The following NAT10 variants were observed in gnomAD, a reference collection of about 807,000 sequenced individuals.
NAT10 encodes the protein N-acetyltransferase 10, also known as RNA cytidine acetyltransferase.
Under a neutral mutation model 132.2 loss-of-function variants are expected in NAT10, and 109 were observed. The observed-to-expected ratio is 0.82, with a 90% CI of 0.71 to 0.97. The LOEUF is 0.97. Ranked by LOEUF, NAT10 falls within the 50% of genes least tolerant of loss-of-function variation. The pLI, the probability that NAT10 is intolerant of heterozygous loss-of-function variation, is 0.00. For missense variants in NAT10, 1,184 were observed against 1,263.4 expected (o/e 0.94, Z 0.95); for synonymous variants, 479 against 478.0 (o/e 1.00, Z -0.03).
rs1590195987 is a variant in NAT10, at chr11:34,146,316, C to T, written c.*124C>T. ...CACACCTGGAAGCTGGCCGCGAATTCGGCCTCTGGGCCTGTGTGTCTGTGA... is the reference window on the plus strand; with the variant it reads ...CACACCTGGAAGCTGGCCGCGAATTTGGCCTCTGGGCCTGTGTGTCTGTGA... On this transcript the variant is annotated 3_prime_UTR_variant, in exon 29 of 29. Transcript: ENST00000257829. The T allele has an allele frequency of 1.9e-5, 13 of 681,178 alleles. No homozygotes were observed. The highest frequency in any genetic ancestry group is 5.7e-5 in the East Asian group (2 of 35,342). 42.2% of individuals were successfully genotyped at this position (681,178 alleles called of 1,614,324 possible).
intron 21 of NAT10, 32 bp from the exon 22 acceptor site, chr11:34,139,159 C>G: frequency 6.3e-7 from 1 of 1,590,246 alleles, no homozygotes; most frequent in African/African-American, 1.3e-5. Flanking sequence ...AAAGGGGGTT[C>G]TTGGTGCCAG....
In NAT10 at chr11:34,113,764, G is replaced by A. The variant is rs757687750; in HGVS notation, c.421G>A (p.Val141Met). The A allele has an allele frequency of 1.2e-6, 2 of 1,614,002 alleles. No homozygotes were observed. Among genetic ancestry groups the A allele is most frequent in the South Asian group, 2.2e-5 (2 of 91,080 alleles). The change falls in exon 5 of 29, where the codon GTG becomes ATG. Residue 141 changes from valine (V) to methionine (M), a missense_variant. Val to Met is a conservative substitution (Grantham distance 21). Coordinates refer to ENST00000257829, the MANE Select transcript of NAT10 (RefSeq NM_024662.3). ...PNLLARTVET[V>M]EGGGLVVILL... ...CTTGCTGGCCAGGACTGTAGAAACA[G>A]TGGAAGGTGGTGGGCTAGTGGTCAT...
intron 14 of NAT10, among the ~76,000 whole-genome samples, 162 bp from the exon 15 acceptor site, chr11:34,131,963 T>C (rs899189596): frequency 6.6e-6 from 1 of 152,128 alleles, no homozygotes; most frequent in Non-Finnish European, 1.5e-5. Context: ...GGATTACCGG[T>C]GTGAGCCAAC....
chr11:34,138,336 C>T (rs1197068200), intron 21 of NAT10, among the ~76,000 whole-genome samples: 1 of 152,168 alleles, frequency 6.6e-6, no homozygotes, highest in Admixed American at 6.5e-5. Context: ...GTGCTTCTGT[C>T]TTCCCAGATG....
chr11:34,146,060 T>A (rs749152078), intron 28 of NAT10, 24 bp from the exon 29 acceptor site: 1 of 1,494,960 alleles, frequency 6.7e-7, no homozygotes, highest in East Asian at 2.3e-5. Flanking sequence ...TATTTCATTC[T>A]TTCTATTTTT....
chr11:34,131,631 G>T, intron 14 of NAT10, 100 bp downstream of exon 14: 2 of 1,194,048 alleles, frequency 1.7e-6, no homozygotes, highest in African/African-American at 1.6e-5. Context: ...CTGCTCTAGA[G>T]AAAGGGGAAA....
chr11:34,130,393 A>G (rs763143770), intron 12 of NAT10, among the ~76,000 whole-genome samples: 2 of 152,228 alleles, frequency 1.3e-5, no homozygotes, highest in Non-Finnish European at 2.9e-5. Flanking sequence ...CAGCTCCGTT[A>G]GTTGACCATT....
rs371323063 is a variant in NAT10, at chr11:34,143,544, C to G, written c.2969+16C>G. 8 of 1,611,404 alleles carry G rather than the reference C, an allele frequency of 5.0e-6. No homozygotes were observed. The African/African-American group carries it at 6.7e-5, about 13-fold the overall frequency. On this transcript the variant is annotated intron_variant, in intron 28 of 28. Transcript: ENST00000257829. The stretch of plus-strand genomic sequence containing the variant: ...GCCTGAAAAGGTGAGGGCCCAGGGT[C>G]TGATGTGCATCTGGCGGAAGAGGCA...
chr11:34,115,877 A>G lies in NAT10; in HGVS notation c.550A>G (p.Asn184Asp). 6.2e-7 allele frequency: 1 copy of G among 1,614,098 alleles called. No homozygotes were observed. The highest frequency in any genetic ancestry group is 8.5e-7 in the Non-Finnish European group (1 of 1,179,976). The change falls in exon 6 of 29, where the codon AAT becomes GAT. Residue 184 changes from asparagine to aspartate, a missense_variant. Asn to Asp is a conservative substitution (Grantham distance 23). Transcript: ENST00000257829. ...EAHQDVVGRF[N>D]ERFILSLASC... ...CCATCAGGATGTGGTGGGAAGATTT[A>G]ATGAAAGGTAATTCTATAGTTCCCC...
chr11:34,141,254 C>A, intron 25 of NAT10, 46 bp downstream of exon 25: 1 of 1,609,666 alleles, frequency 6.2e-7, no homozygotes, highest in South Asian at 1.1e-5. Context: ...TCAAATAGTG[C>A]AACAAACCCA....
At chr11:34,123,032 T>C (rs73500434) in intron 9 of NAT10, among the ~76,000 whole-genome samples, 16,885 of 152,284 alleles carry the variant, frequency 0.11, 1,065 homozygotes, top group African/African-American at 0.18. Flanking sequence ...AGTTTCTGTT[T>C]TTTTCTACTG....
chr11:34,108,961 G>C lies in NAT10; in HGVS notation c.200+128G>C, dbSNP rs1030478211. The C allele has an allele frequency of 2.3e-5, 16 of 707,172 alleles. No homozygotes were observed. In the Admixed American group the frequency reaches 4.7e-4, roughly 21 times the overall value. 43.8% of individuals were successfully genotyped at this position (707,172 alleles called of 1,614,324 possible). On this transcript the variant is annotated intron_variant, in intron 3 of 28. Transcript: ENST00000257829. ...GAGGTGCTATCTCTGAGGACAAATG[G>C]AGCTGATATCCTTTCTTCATTCCTG...
rs563625119 is a variant in NAT10, at chr11:34,106,391, C to T, written c.-16+599C>T. 4.6e-5 allele frequency among the ~76,000 whole-genome samples: 7 copies of T among 152,090 alleles called. No homozygotes were observed. The South Asian group carries it at 1.3e-3, about 27-fold the overall frequency. On this transcript the variant is annotated intron_variant, in intron 1 of 28. Transcript: ENST00000257829. ...TCAGCCCATAGTAATCTCAGCCCTT[C>T]CTTCATCTGACCGGTCCCTCAGTAT...
chr11:34,132,381 C>G (rs1017715351), intron 15 of NAT10, among the ~76,000 whole-genome samples, 160 bp downstream of exon 15: 5 of 152,186 alleles, frequency 3.3e-5, no homozygotes, highest in Non-Finnish European at 7.3e-5. Flanking sequence ...AGGTATAGAG[C>G]ATGTAGCTCC....
At chr11:34,118,156 C>T (rs766906133) in intron 6 of NAT10, 24 bp from the exon 7 acceptor site, 4 of 1,575,280 alleles carry the variant, frequency 2.5e-6, no homozygotes, top group Non-Finnish European at 3.5e-6. Flanking sequence ...CCCAACACTT[C>T]ATTGCAGCGG....
chr11:34,121,645 A>G (rs1368773428), intron 8 of NAT10, among the ~76,000 whole-genome samples: 5 of 150,924 alleles, frequency 3.3e-5, no homozygotes, highest in Non-Finnish European at 7.4e-5. Flanking sequence ...GCGGATCACG[A>G]GGTCAAGAGA....
In NAT10 at chr11:34,139,206, G is replaced by C; in HGVS notation, c.2227G>C (p.Glu743Gln). 6.2e-7 allele frequency: 1 copy of C among 1,613,906 alleles called. No homozygotes were observed. The highest frequency in any genetic ancestry group is 2.2e-5 in the East Asian group (1 of 44,858). ...LRQTPNDLTG[E>Q]HSCIMLKTLT... ...TGTTGCCCAGAATGACCTGACCGGAGAGCACTCGTGCATCATGCTGAAGAC... is the reference window on the plus strand; with the variant it reads ...TGTTGCCCAGAATGACCTGACCGGACAGCACTCGTGCATCATGCTGAAGAC... Residue 743 changes from glutamate to glutamine, a missense_variant, in exon 22 of 29, where the codon GAG (glutamate) becomes CAG (glutamine). By Grantham distance (29) the Glu-to-Gln change is conservative. Coordinates refer to ENST00000257829, the MANE Select transcript of NAT10 (RefSeq NM_024662.3).
intron 27 of NAT10, 94 bp downstream of exon 27, chr11:34,142,442 G>A (rs1852353403): frequency 1.9e-6 from 2 of 1,079,722 alleles, no homozygotes; most frequent in Non-Finnish European, 2.8e-6. Context: ...ACGTGCCCTG[G>A]AAAGTGTCTT....
In NAT10 at chr11:34,139,268, G is replaced by T. The variant is rs776385919; in HGVS notation, c.2289G>T (p.Trp763Cys). The T allele has an allele frequency of 1.2e-6, 2 of 1,614,120 alleles. No homozygotes were observed. Among genetic ancestry groups the T allele is most frequent in the South Asian group, 2.2e-5 (2 of 91,084 alleles). The change falls in exon 22 of 29, where the codon TGG (tryptophan) becomes TGT (cysteine). Residue 763 changes from tryptophan (W) to cysteine (C), a missense_variant. Coordinates refer to ENST00000257829, the MANE Select transcript of NAT10 (RefSeq NM_024662.3). ...TDEDEADQGG[W>C]LAAFWKDFRR... is the part of the protein sequence containing the mutation. ...AGGATGAGGCTGACCAGGGAGGCTGGCTTGCAGCCTTCTGGAAAGGTGACT... is the reference window on the plus strand; with the variant it reads ...AGGATGAGGCTGACCAGGGAGGCTGTCTTGCAGCCTTCTGGAAAGGTGACT...
Sources: gnomAD v4.1 joint callset for allele counts (sites outside exome capture counted in the v4.1 genomes callset) on GRCh38, gnomAD v4.1.1 for gene constraint, MANE v1.5 for transcripts, NCBI Gene and HGNC (gene_info 2026-07-23, HGNC 2026-07-21) for gene names.